Variants in INTS9 observed in about 807,000 individuals in gnomAD.
The protein encoded by INTS9 is integrator complex subunit 9.
In INTS9, 55 loss-of-function variants were observed where a neutral mutation model predicts 79.7. That is an observed-to-expected ratio of 0.69 (90% CI 0.56 to 0.86). The LOEUF (loss-of-function observed/expected upper bound fraction) is 0.86. Among genes scored for constraint, INTS9 ranks in the 40% least tolerant of loss-of-function variants. The pLI is 0.00. For synonymous variants in INTS9, 319 were observed against 325.2 expected (o/e 0.98, Z 0.20); for missense variants, 721 against 831.5 (o/e 0.87, Z 1.64).
intron 11 of INTS9, among the ~76,000 whole-genome samples, chr8:28,781,857 A>G (rs1453497931): frequency 6.6e-6 from 1 of 152,210 alleles, no homozygotes; most frequent in East Asian, 1.9e-4. Flanking sequence ...TGGTGGATCC[A>G]GGTCACTGTT....
chr8:28,768,983 C>T (rs1478697040), intron 16 of INTS9, among the ~76,000 whole-genome samples: 1 of 152,098 alleles, frequency 6.6e-6, no homozygotes, highest in Non-Finnish European at 1.5e-5. Context: ...ATAGGCTGGG[C>T]CAGGCAGAAG....
At chr8:28,776,003 G>A (rs1177523795) in intron 13 of INTS9, 77 bp from the exon 14 acceptor site, 31 of 1,171,418 alleles carry the variant, frequency 2.6e-5, no homozygotes, top group East Asian at 5.8e-5. Flanking sequence ...TCCTGACCCC[G>A]ATCCACTCCC....
At chr8:28,770,648 G>T (rs1241992748) in intron 15 of INTS9, among the ~76,000 whole-genome samples, 4 of 152,230 alleles carry the variant, frequency 2.6e-5, no homozygotes, top group Non-Finnish European at 5.9e-5. Context: ...CTGTGTGTGG[G>T]TCATTGGTAG....
intron 6 of INTS9, among the ~76,000 whole-genome samples, chr8:28,834,739 C>CA (rs1339743699): frequency 6.7e-6 from 1 of 149,980 alleles, no homozygotes; most frequent in Non-Finnish European, 1.5e-5. Flanking sequence ...TGCAATGGTG[C>CA]AATCTCAGCT....
chr8:28,839,334 A>G (rs1807016885), intron 4 of INTS9, among the ~76,000 whole-genome samples: 1 of 152,104 alleles, frequency 6.6e-6, no homozygotes, highest in Admixed American at 6.6e-5. Context: ...ATGGGTAGGA[A>G]GAATCAATAT....
Position 28,875,762 on chromosome 8 carries a change from A to G in INTS9, c.9+14112T>C, listed in dbSNP as rs1229601648. Among the ~76,000 whole-genome samples, 3 of 152,224 alleles carry G rather than the reference A, an allele frequency of 2.0e-5. No individual in the cohort carries two copies. The East Asian group carries it at 5.8e-4, about 29-fold the overall frequency. On this transcript the variant is annotated intron_variant, in intron 1 of 16. Transcript: ENST00000521022. ...GTTATATTCTCAATCACATACATTG[A>G]ATATACACAGTTTGTTCAATAGTGA...
chr8:28,805,081 T>TA (rs1308767704), intron 8 of INTS9, among the ~76,000 whole-genome samples: 1 of 152,140 alleles, frequency 6.6e-6, no homozygotes, highest in Non-Finnish European at 1.5e-5. Flanking sequence ...GACTAAGAAT[T>TA]TATTTAAGTT....
chr8:28,796,411 A>G (rs3824092), intron 9 of INTS9, 133 bp downstream of exon 9: 111,094 of 582,432 alleles, frequency 0.19, 13,240 homozygotes, highest in East Asian at 0.48. Context: ...TTGCAAAGAT[A>G]TACTGCCTCC....
At chr8:28,812,290 C>A in intron 8 of INTS9, 37 bp downstream of exon 8, 1 of 1,604,314 alleles carries the variant, frequency 6.2e-7, no homozygotes, top group South Asian at 1.1e-5. Flanking sequence ...CTTAAGTAAC[C>A]AAAAAGCTGA....
Position 28,813,576 on chromosome 8 carries a change from G to C in INTS9, c.525C>G (p.Val175=). 6.2e-7 allele frequency: 1 copy of C among 1,613,626 alleles called. No homozygotes were observed. The highest frequency in any genetic ancestry group is 8.5e-7 in the Non-Finnish European group (1 of 1,179,646). The change falls in exon 7 of 17, where the codon GTC becomes GTG. Residue 175 remains valine (V), a synonymous_variant. Coordinates refer to ENST00000521022, the MANE Select transcript of INTS9 (RefSeq NM_018250.4). ...TTGTATAGCATCTTCTCCAGGTTGA[G>C]ACTTCCACTGCATCCTTGAGAGGAG... The part of the protein sequence containing the change: ...LPSPLKDAVE[V]STWRRCYTMQ...
At chr8:28,775,688 C>T (rs1802823456) in intron 14 of INTS9, 71 bp downstream of exon 14, 2 of 1,485,246 alleles carry the variant, frequency 1.3e-6, no homozygotes, top group Admixed American at 1.9e-5. Context: ...CAAAAGAAGG[C>T]CACCCCTGCA....
chr8:28,888,982 C>A (rs1810380183), intron 1 of INTS9, among the ~76,000 whole-genome samples: 1 of 152,044 alleles, frequency 6.6e-6, no homozygotes, highest in South Asian at 2.1e-4. Context: ...TGGCTTACTG[C>A]AACCTCTGCC....
At chr8:28,797,515 T>A (rs1804291409) in intron 8 of INTS9, among the ~76,000 whole-genome samples, 1 of 152,234 alleles carries the variant, frequency 6.6e-6, no homozygotes, top group African/African-American at 2.4e-5. Flanking sequence ...GATCTTCTTG[T>A]GAACTAGGAA....
intron 9 of INTS9, among the ~76,000 whole-genome samples, chr8:28,794,251 G>T (rs1197562819): frequency 6.6e-6 from 1 of 152,182 alleles, no homozygotes; most frequent in East Asian, 1.9e-4. Flanking sequence ...AATGGCAGCT[G>T]AGCTTCAGGA....
chr8:28,832,030 T>C (rs1424938367), intron 6 of INTS9, among the ~76,000 whole-genome samples: 1 of 152,086 alleles, frequency 6.6e-6, no homozygotes, highest in Non-Finnish European at 1.5e-5. Context: ...TAGAACACTA[T>C]TTGTGGTGTG....
chr8:28,876,457 T>C (rs1034703973), intron 1 of INTS9, among the ~76,000 whole-genome samples: 1 of 151,914 alleles, frequency 6.6e-6, no homozygotes, highest in African/African-American at 2.4e-5. Flanking sequence ...TGTAAAAGAG[T>C]CTCTCTTTAC....
At chr8:28,795,317 G>A (rs1432919788) in intron 9 of INTS9, among the ~76,000 whole-genome samples, 1 of 152,128 alleles carries the variant, frequency 6.6e-6, no homozygotes, top group African/African-American at 2.4e-5. Flanking sequence ...CGAGGGTGCA[G>A]GCCCCATGAT....
chr8:28,855,153 C>T (rs1418218020), intron 2 of INTS9, among the ~76,000 whole-genome samples: 1 of 152,208 alleles, frequency 6.6e-6, no homozygotes, highest in Non-Finnish European at 1.5e-5. Context: ...AAACTGTAGT[C>T]ATAGATGATC....
At chr8:28,786,317 T>C (rs1377358213) in intron 11 of INTS9, among the ~76,000 whole-genome samples, 1 of 152,088 alleles carries the variant, frequency 6.6e-6, no homozygotes, top group Admixed American at 6.5e-5. Flanking sequence ...GGTCTTGCTC[T>C]GTCACCCAGA....
Sources: allele counts gnomAD v4.1 joint callset (sites outside exome capture counted in the v4.1 genomes callset), GRCh38; gene constraint gnomAD v4.1.1; transcripts MANE v1.5; gene names NCBI Gene and HGNC (gene_info 2026-07-23, HGNC 2026-07-21).